ATP8A2: variants seen among roughly 807,000 people sequenced by gnomAD.
ATP8A2 encodes ATPase phospholipid transporting 8A2, also known as phospholipid-transporting ATPase IB.
ATP8A2 carries 100 observed loss-of-function variants against 165.6 expected under a neutral mutation model. The ratio of observed to expected loss-of-function variants is 0.60; its 90% CI spans 0.51 to 0.71. ATP8A2 has a LOEUF of 0.71. ATP8A2 is among the 30% of genes least tolerant of loss of function. The pLI, the probability that ATP8A2 is intolerant of heterozygous loss-of-function variation, is 0.00. For synonymous variants in ATP8A2, 543 were observed against 548.8 expected (o/e 0.99, Z 0.15); for missense variants, 1,227 against 1,479.5 (o/e 0.83, Z 2.80).
chr13:25,992,215 G>A (rs1593683338), intron 35 of ATP8A2, among the ~76,000 whole-genome samples: 1 of 141,082 alleles, frequency 7.1e-6, no homozygotes, highest in South Asian at 2.2e-4. Flanking sequence ...ATTCAGTGCT[G>A]TCCTTTTTTT....
At chr13:25,513,867 C>G (rs2037370645) in intron 2 of ATP8A2, among the ~76,000 whole-genome samples, 4 of 151,942 alleles carry the variant, frequency 2.6e-5, no homozygotes, top group South Asian at 2.1e-4. Flanking sequence ...TGAGGCAGGA[C>G]AATCAGTCAA....
intron 30 of ATP8A2, among the ~76,000 whole-genome samples, chr13:25,851,768 T>C (rs551619196): frequency 6.6e-6 from 1 of 152,300 alleles, no homozygotes; most frequent in East Asian, 1.9e-4. Flanking sequence ...TCCAAGAGTT[T>C]GTCTCATGTA....
intron 2 of ATP8A2, among the ~76,000 whole-genome samples, chr13:25,497,112 C>G (rs2036701384): frequency 6.6e-6 from 1 of 152,044 alleles, no homozygotes; most frequent in Non-Finnish European, 1.5e-5. Flanking sequence ...GGGGTGTCCA[C>G]AATATGTGAA....
At chr13:25,567,286 G>T (rs2039342425) in intron 16 of ATP8A2, 1 of 456,448 alleles carries the variant, frequency 2.2e-6, no homozygotes, top group Non-Finnish European at 4.4e-6. Flanking sequence ...GGAGATCTGA[G>T]CACAGCTAAT....
chr13:25,506,624 G>A (rs1381205213), intron 2 of ATP8A2, among the ~76,000 whole-genome samples: 1 of 152,150 alleles, frequency 6.6e-6, no homozygotes, highest in Non-Finnish European at 1.5e-5. Flanking sequence ...TTCCCGGATC[G>A]AGGTGCCCAG....
chr13:25,531,229 A>G (rs965227748), intron 4 of ATP8A2, among the ~76,000 whole-genome samples: 2 of 109,822 alleles, frequency 1.8e-5, no homozygotes, highest in Non-Finnish European at 3.4e-5. Context: ...GATATATGTT[A>G]TATATGATAT....
chr13:25,744,325 A>ACCCCCCC (rs138866684), intron 25 of ATP8A2, among the ~76,000 whole-genome samples: 82 of 148,472 alleles, frequency 5.5e-4, no homozygotes, highest in African/African-American at 1.9e-3. Context: ...CTCACTCACC[A>ACCCCCCC]CCCCCCCGTG....
intron 25 of ATP8A2, among the ~76,000 whole-genome samples, chr13:25,733,526 CCT>C (rs35299491): frequency 0.47 from 71,677 of 151,730 alleles, 17,072 homozygotes; most frequent in East Asian, 0.57. Flanking sequence ...ATACTGGGAA[CCT>C]CTGTCATTAG....
intron 1 of ATP8A2, among the ~76,000 whole-genome samples, chr13:25,459,240 T>C (rs931495386): frequency 1.3e-5 from 2 of 152,212 alleles, no homozygotes; most frequent in Non-Finnish European, 2.9e-5. Context: ...ACTTTTCACA[T>C]TGGACTGAGC....
intron 36 of ATP8A2, among the ~76,000 whole-genome samples, chr13:26,014,711 C>T (rs1593718125): frequency 6.6e-6 from 1 of 152,078 alleles, no homozygotes; most frequent in East Asian, 1.9e-4. Context: ...TAAATGAGAT[C>T]ATAAAGATAA....
At position 25,949,269 on chromosome 13, in the gene ATP8A2, G is replaced by A. The variant is rs551582714; in HGVS notation, c.3184-12306G>A. 2.0e-3 allele frequency among the ~76,000 whole-genome samples: 299 copies of A among 152,344 alleles called. 2 individuals are homozygous for A. The highest frequency in any genetic ancestry group is 6.8e-3 in the African/African-American group (282 of 41,586). On this transcript the variant is annotated intron_variant, in intron 33 of 36. Transcript: ENST00000381655. ...GCACCTTCCACCTGCAGATGCCAGC[G>A]GGCCATTGCAGGTGGGAGGGGACCC...
At chr13:25,717,805 G>C (rs2043288667) in intron 25 of ATP8A2, among the ~76,000 whole-genome samples, 1 of 152,160 alleles carries the variant, frequency 6.6e-6, no homozygotes, top group Non-Finnish European at 1.5e-5. Flanking sequence ...AGCTGCTGCT[G>C]GTCTTGTAGT....
intron 34 of ATP8A2, 146 bp from the exon 35 acceptor site, chr13:25,968,429 T>A (rs1566312296): frequency 1.5e-6 from 1 of 675,132 alleles, no homozygotes; most frequent in Non-Finnish European, 2.6e-6. Flanking sequence ...GGGTCATGCA[T>A]GGAGACTGTG....
chr13:25,815,721 C>A (rs1385122432), intron 27 of ATP8A2, among the ~76,000 whole-genome samples: 1 of 152,064 alleles, frequency 6.6e-6, no homozygotes, highest in Admixed American at 6.6e-5. Flanking sequence ...AGGACTGAAC[C>A]CATGTTTTTA....
chr13:25,468,934 A>G (rs2137520001), intron 1 of ATP8A2, 43 bp from the exon 2 acceptor site: 3 of 1,586,322 alleles, frequency 1.9e-6, no homozygotes, highest in Non-Finnish European at 2.6e-6. Context: ...CTGGCGGTTG[A>G]CTTCTTTGTG....
At chr13:25,577,835 T>G (rs1402482399) in intron 20 of ATP8A2, among the ~76,000 whole-genome samples, 1 of 152,222 alleles carries the variant, frequency 6.6e-6, no homozygotes, top group Non-Finnish European at 1.5e-5. Flanking sequence ...TAGGATTAAT[T>G]AGTGGTTGAC....
intron 35 of ATP8A2, among the ~76,000 whole-genome samples, chr13:26,002,722 A>G (rs1046383888): frequency 1.3e-4 from 20 of 152,116 alleles, no homozygotes; most frequent in Non-Finnish European, 2.9e-4. Context: ...GATTCCATAT[A>G]TAAATGAGAT....
chr13:25,606,406 T>C (rs1450077539), intron 24 of ATP8A2, among the ~76,000 whole-genome samples: 1 of 152,210 alleles, frequency 6.6e-6, no homozygotes, highest in Non-Finnish European at 1.5e-5. Flanking sequence ...CATTGGCAGG[T>C]AAAAACTAAA....
chr13:25,734,724 C>T (rs532664639), intron 25 of ATP8A2, among the ~76,000 whole-genome samples: 94 of 152,126 alleles, frequency 6.2e-4, no homozygotes, highest in African/African-American at 2.2e-3. Context: ...CTGCAACCCC[C>T]GGCCCCCAGA....
Sources: gnomAD v4.1 joint callset for allele counts (sites outside exome capture counted in the v4.1 genomes callset) on GRCh38, gnomAD v4.1.1 for gene constraint, MANE v1.5 for transcripts, NCBI Gene and HGNC (gene_info 2026-07-23, HGNC 2026-07-21) for gene names.